DOK6: variants seen among roughly 807,000 people sequenced by gnomAD.
DOK6 encodes downstream of tyrosine kinase 6.
A neutral mutation model predicts 44.0 loss-of-function variants in DOK6; 22 were observed. That is an observed-to-expected ratio of 0.50 (90% CI 0.36 to 0.71). The LOEUF is 0.71. Among genes scored for constraint, DOK6 ranks in the 30% least tolerant of loss-of-function variants. The pLI is 0.00. For missense variants in DOK6, 340 were observed against 416.4 expected, an observed-to-expected ratio of 0.82 and a Z score of 1.60; for synonymous variants, 166 against 145.5, an observed-to-expected ratio of 1.14 and a Z score of -1.01.
intron 5 of DOK6, among the ~76,000 whole-genome samples, chr18:69,724,150 T>C (rs1978295277): frequency 6.6e-6 from 1 of 152,180 alleles, no homozygotes; most frequent in South Asian, 2.1e-4. Context: ...GGAACTGAAA[T>C]GTGTAATCAA....
intron 2 of DOK6, among the ~76,000 whole-genome samples, chr18:69,567,818 A>G (rs1193638880): frequency 1.3e-5 from 2 of 152,208 alleles, no homozygotes; most frequent in East Asian, 3.9e-4. Context: ...GGTAGATGAC[A>G]CATGGCTTTA....
At chr18:69,611,197 A>G (rs1984131543) in intron 3 of DOK6, among the ~76,000 whole-genome samples, 1 of 152,238 alleles carries the variant, frequency 6.6e-6, no homozygotes, top group African/African-American at 2.4e-5. Flanking sequence ...GAATGTGTTC[A>G]GTATTTTTAA....
rs900117558 is a variant in DOK6 at position 69,437,935 on chromosome 18, G to T, written c.66+36625G>T. Among the ~76,000 whole-genome samples the T allele has an allele frequency of 6.6e-5, 10 of 152,152 alleles. 1 individual carries two copies. The highest frequency in any genetic ancestry group is 7.3e-5 in the Non-Finnish European group (5 of 68,034). ...GTCTATTAAGTGTCAATATCATTGT[G>T]TCTGAAAAACAATGTAATTCCTTCA... On this transcript the variant is annotated intron_variant, in intron 1 of 7. Coordinates refer to ENST00000382713, the MANE Select transcript of DOK6 (RefSeq NM_152721.6).
intron 2 of DOK6, among the ~76,000 whole-genome samples, chr18:69,566,501 G>A (rs1486386536): frequency 2.0e-5 from 3 of 151,826 alleles, no homozygotes; most frequent in Non-Finnish European, 4.4e-5. Context: ...GTTATCTCTG[G>A]ACTCAGCTAT....
intron 3 of DOK6, among the ~76,000 whole-genome samples, chr18:69,655,914 A>G (rs960658711): frequency 6.6e-6 from 1 of 152,128 alleles, no homozygotes; most frequent in Non-Finnish European, 1.5e-5. Context: ...CATATGTCTG[A>G]CAGGATTTGC....
chr18:69,523,626 T>C (rs2144566547), intron 1 of DOK6, among the ~76,000 whole-genome samples: 1 of 152,030 alleles, frequency 6.6e-6, no homozygotes, highest in East Asian at 1.9e-4. Flanking sequence ...TTTTATCAAA[T>C]ACTGTAGAAT....
At chr18:69,762,670 A>G (rs1033280955) in intron 7 of DOK6, among the ~76,000 whole-genome samples, 1 of 152,232 alleles carries the variant, frequency 6.6e-6, no homozygotes, top group African/African-American at 2.4e-5. Flanking sequence ...AGAGATTAAG[A>G]TTCATTAATA....
At chr18:69,806,277 A>C (rs1226600012) in intron 7 of DOK6, among the ~76,000 whole-genome samples, 2 of 152,156 alleles carry the variant, frequency 1.3e-5, no homozygotes, top group Middle Eastern at 3.4e-3. Flanking sequence ...CTGCCAAGAA[A>C]TTCTTATTGG....
intron 1 of DOK6, among the ~76,000 whole-genome samples, chr18:69,542,802 G>C (rs559206762): frequency 6.6e-6 from 1 of 151,468 alleles, no homozygotes; most frequent in African/African-American, 2.4e-5. Flanking sequence ...TTCATGACTC[G>C]TTCATGCAAT....
chr18:69,500,921 G>C (rs978572096), intron 1 of DOK6, among the ~76,000 whole-genome samples: 4 of 151,968 alleles, frequency 2.6e-5, no homozygotes, highest in African/African-American at 9.7e-5. Flanking sequence ...ATGTATTTTG[G>C]AATTGATATG....
intron 2 of DOK6, among the ~76,000 whole-genome samples, chr18:69,574,086 A>G (rs1983182435): frequency 6.6e-6 from 1 of 152,032 alleles, no homozygotes; most frequent in Non-Finnish European, 1.5e-5. Context: ...TATTAAGCCC[A>G]ATTCATATAT....
At position 69,434,928 on chromosome 18, in the gene DOK6, AAGGGAGGG is replaced by A. The variant is rs377517457; in HGVS notation, c.66+33640_66+33647del. Among the ~76,000 whole-genome samples the A allele has an allele frequency of 3.2e-3, 231 of 71,208 alleles. 12 individuals carry two copies. The South Asian group carries it at 0.049, about 15-fold the overall frequency. 46.7% of individuals were successfully genotyped at this position (71,208 alleles called of 152,430 possible). ...AGAGCGAGGCTCTGTCAAAAGAAAA[AAGGGAGGG>A]AGGGAGGGAGGGAGGGAGGGAAGGA... On this transcript the variant is annotated intron_variant, in intron 1 of 7. Transcript: ENST00000382713.
chr18:69,708,630 C>T (rs1265633763), intron 5 of DOK6, among the ~76,000 whole-genome samples: 2 of 151,772 alleles, frequency 1.3e-5, no homozygotes, highest in East Asian at 1.9e-4. Context: ...ACTAAAAATA[C>T]AAAAAACAGC....
intron 7 of DOK6, among the ~76,000 whole-genome samples, chr18:69,785,682 C>G (rs1980408983): frequency 6.6e-6 from 1 of 152,090 alleles, no homozygotes; most frequent in Non-Finnish European, 1.5e-5. Context: ...CAGTCACTGC[C>G]TTTTTATCTC....
intron 7 of DOK6, among the ~76,000 whole-genome samples, chr18:69,762,023 A>T (rs1024156472): frequency 6.6e-6 from 1 of 152,160 alleles, no homozygotes; most frequent in African/African-American, 2.4e-5. Flanking sequence ...CAGTAAGGAA[A>T]GGAAGAAAAG....
chr18:69,562,940 C>A (rs1030296432), intron 1 of DOK6, among the ~76,000 whole-genome samples: 3 of 151,872 alleles, frequency 2.0e-5, no homozygotes, highest in Non-Finnish European at 2.9e-5. Context: ...CAATGAACTC[C>A]AACAAATTTG....
intron 1 of DOK6, among the ~76,000 whole-genome samples, chr18:69,488,264 G>T (rs1980638944): frequency 6.6e-6 from 1 of 152,086 alleles, no homozygotes; most frequent in South Asian, 2.1e-4. Flanking sequence ...GCTTCTTAAA[G>T]ACCCAGTCTC....
intron 6 of DOK6, among the ~76,000 whole-genome samples, chr18:69,745,105 A>C (rs1254229795): frequency 1.3e-5 from 2 of 152,162 alleles, no homozygotes; most frequent in African/African-American, 4.8e-5. Flanking sequence ...TTTTCTTAAA[A>C]CTTGTTTCCT....
chr18:69,598,867 T>A (rs1180087869), intron 2 of DOK6, among the ~76,000 whole-genome samples: 10 of 152,108 alleles, frequency 6.6e-5, no homozygotes, highest in Non-Finnish European at 1.5e-4. Context: ...GTGAACACTA[T>A]GAGCATTTTT....
Sources: gnomAD v4.1 joint callset for allele counts (sites outside exome capture counted in the v4.1 genomes callset) on GRCh38, gnomAD v4.1.1 for gene constraint, MANE v1.5 for transcripts, NCBI Gene and HGNC (gene_info 2026-07-23, HGNC 2026-07-21) for gene names.